The following TTN variants were observed in gnomAD, a reference collection of about 807,000 sequenced individuals.
The protein encoded by TTN is titin.
In TTN, 1,525 loss-of-function variants were observed where a neutral mutation model predicts 3,223.0. The observed-to-expected ratio is 0.47, with a 90% CI of 0.45 to 0.49. The LOEUF (loss-of-function observed/expected upper bound fraction) is 0.49. Ranked by LOEUF, TTN falls within the 20% of genes least tolerant of loss-of-function variation. TTN has a pLI of 0.00. For synonymous variants in TTN, 14,094 were observed against 15,161.0 expected (o/e 0.93, Z 5.17); for missense variants, 40,786 against 43,424.0 (o/e 0.94, Z 5.40).
Position 178,608,840 on chromosome 2 carries a change from C to A in TTN, c.52171G>T (p.Glu17391Ter). ...CTGCCACCATCATCAAGGGGTGGTT[C>A]CCATTTACAAAGGACTGAGGTCTTT... ...IRKTSVLCKW[E>*]PPLDDGGSEI... The change falls in exon 274 of 363, where the codon GAA becomes TAA. Residue 17391 changes from glutamate (E) to a stop codon, truncating the protein, a stop_gained. Transcript: ENST00000589042. LOFTEE classifies it high-confidence loss of function. 1 of 1,612,300 alleles carries A rather than the reference C, an allele frequency of 6.2e-7. No individual in the cohort carries two copies. The highest frequency in any genetic ancestry group is 8.5e-7 in the Non-Finnish European group (1 of 1,179,214).
chr2:178,602,755 TG>T (rs1399881630), intron 282 of TTN, among the ~76,000 whole-genome samples, 165 bp from the exon 283 acceptor site: 1 of 151,816 alleles, frequency 6.6e-6, no homozygotes, highest in African/African-American at 2.4e-5. Flanking sequence ...ATAAAGGAAA[TG>T]GTCTATTTTC....
At chr2:178,782,144 T>C (rs113132470) in intron 20 of TTN, 68 bp downstream of exon 20, 1 of 1,583,882 alleles carries the variant, frequency 6.3e-7, no homozygotes. Context: ...GGTGAGTAAA[T>C]TCTACTCTAG....
chr2:178,678,645 C>A, intron 143 of TTN, 102 bp downstream of exon 143: 1 of 1,195,844 alleles, frequency 8.4e-7, no homozygotes, highest in East Asian at 2.6e-5. Flanking sequence ...ATTTAATTTT[C>A]TCTAAAGAGT....
At position 178,652,191 on chromosome 2, in the gene TTN, A is replaced by G. The variant is rs1299607511; in HGVS notation, c.39212-12T>C. The stretch of plus-strand genomic sequence containing the variant: ...TGGCACCTCTGGGACTTTAAAAGAT[A>G]TTATTATTTTCATTGTTAGACAAAG... On this transcript the variant is annotated splice_polypyrimidine_tract_variant and intron_variant, in intron 203 of 362. Transcript: ENST00000589042. 6.2e-7 allele frequency: 1 copy of G among 1,612,120 alleles called. No individual in the cohort carries two copies. Among genetic ancestry groups the G allele is most frequent in the East Asian group, 2.2e-5 (1 of 44,860 alleles).
In TTN at chr2:178,568,192, A is replaced by T. The variant is rs977275961; in HGVS notation, c.77940T>A (p.Asp25980Glu). Reference sequence around the variant, plus strand: ...TGTAGGGATATTGAGCTACAATTGGATCAGACTCTAAGGCAAAGCTTTGTC... The same window carrying T: ...TGTAGGGATATTGAGCTACAATTGGTTCAGACTCTAAGGCAAAGCTTTGTC... Reference protein sequence around the residue: ...RYGQSFALESDPIVAQYPYKE... With the variant: ...RYGQSFALESEPIVAQYPYKE... The change falls in exon 326 of 363, where the codon GAT (aspartate) becomes GAA (glutamate). Residue 25980 changes from aspartate (D) to glutamate (E), a missense_variant. Transcript: ENST00000589042. 1.2e-6 allele frequency: 2 copies of T among 1,613,366 alleles called. No individual in the cohort carries two copies. Among genetic ancestry groups the T allele is most frequent in the African/African-American group, 2.7e-5 (2 of 74,862 alleles).
intron 146 of TTN, 46 bp from the exon 147 acceptor site, chr2:178,677,333 G>A: frequency 1.1e-5 from 4 of 356,796 alleles, no homozygotes; most frequent in Non-Finnish European, 1.4e-5. Context: ...CATATACATG[G>A]TCATATATAT....
Position 178,594,078 on chromosome 2 carries a change from G to C in TTN, c.58315C>G (p.Pro19439Ala), listed in dbSNP as rs368847168. 6.2e-7 allele frequency: 1 copy of C among 1,613,302 alleles called. No individual in the cohort carries two copies. The highest frequency in any genetic ancestry group is 1.3e-5 in the African/African-American group (1 of 74,870). Reference protein sequence around the residue: ...EDDRTHIKTTPATLALEKIKA... With the variant: ...EDDRTHIKTTAATLALEKIKA... The stretch of plus-strand genomic sequence containing the variant: ...ATCTTCTCTAAAGCAAGTGTTGCTG[G>C]TGTAGTCTTTATATGAGTGCGATCA... The change falls in exon 297 of 363, where the codon CCA (proline) becomes GCA (alanine). Residue 19439 changes from proline to alanine, a missense_variant. Coordinates refer to ENST00000589042, the MANE Select transcript of TTN (RefSeq NM_001267550.2).
chr2:178,800,569 A>T lies in TTN; in HGVS notation c.409T>A (p.Phe137Ile). 6.2e-7 allele frequency: 1 copy of T among 1,614,104 alleles called. No homozygotes were observed. The highest frequency in any genetic ancestry group is 8.5e-7 in the Non-Finnish European group (1 of 1,179,992). ...TGGATTTCGGCTCCATCCCGGTAGA[A>T]CTTCACCACAGGTGTAGGGATTCCA... ...VTGIPTPVVK[F>I]YRDGAEIQSS... is the part of the protein sequence containing the mutation. Residue 137 changes from phenylalanine (F) to isoleucine (I), a missense_variant, in exon 4 of 363, where the codon TTC becomes ATC. Phe to Ile is a conservative substitution (Grantham distance 21). Transcript: ENST00000589042.
rs761647014 is a variant in TTN at position 178,567,913 on chromosome 2, T to C, written c.78219A>G (p.Val26073=). The change falls in exon 326 of 363, where the codon GTA becomes GTG. Residue 26073 remains valine (V), a synonymous_variant. Coordinates refer to ENST00000589042, the MANE Select transcript of TTN (RefSeq NM_001267550.2). Reference sequence around the variant, plus strand: ...ATTCAGAATTCTTGCTTGCTTTGCCTACACCAACAATATTTTCAGCATACA... The same window carrying C: ...ATTCAGAATTCTTGCTTGCTTTGCCCACACCAACAATATTTTCAGCATACA... ...FRVYAENIVG[V]GKASKNSECY... 5 of 1,613,588 alleles carry C rather than the reference T, an allele frequency of 3.1e-6. No homozygotes were observed. In the Admixed American group the frequency reaches 6.7e-5, roughly 22 times the overall value.
In TTN at chr2:178,724,403, C is replaced by T. The variant is rs373585016; in HGVS notation, c.20972G>A (p.Ser6991Asn). The change falls in exon 72 of 363, where the codon AGC (serine) becomes AAC (asparagine). Residue 6991 changes from serine (S) to asparagine (N), a missense_variant. By Grantham distance (46) the Ser-to-Asn change is conservative (BLOSUM62 1). Coordinates refer to ENST00000589042, the MANE Select transcript of TTN (RefSeq NM_001267550.2). ...WYKDGKLLTS[S>N]QKHKFSFYNK... ...GTAGAAGCTAAATTTGTGTTTTTGG[C>T]TGCTGGTCAACAGCTTTCCATCCTT... 1.1e-5 allele frequency: 17 copies of T among 1,613,450 alleles called. No homozygotes were observed. Among genetic ancestry groups the T allele is most frequent in the Non-Finnish European group, 1.3e-5 (15 of 1,179,606 alleles).
Position 178,552,242 on chromosome 2 carries a change from TG to T in TTN, c.90657del (p.Ile30220SerfsTer70). 1 of 1,613,502 alleles carries T rather than the reference TG, an allele frequency of 6.2e-7. No individual in the cohort carries two copies. The highest frequency in any genetic ancestry group is 8.5e-7 in the Non-Finnish European group (1 of 1,179,656). Reference protein sequence around the residue: ...AVCRIAVPITVITLGPPSKPK... With the variant: ...AVCRIAVPITXITLGPPSKPK... ...GGCTTTGATGGTGGGCCAAGGGTGA[TG>T]ACTGTAATGGGGACTGCAATTCTAC... On this transcript the variant is annotated frameshift_variant, in exon 335 of 363. Coordinates refer to ENST00000589042, the MANE Select transcript of TTN (RefSeq NM_001267550.2). LOFTEE classifies it high-confidence loss of function.
At chr2:178,637,146 GATATATAT>G (rs61216469) in intron 224 of TTN, among the ~76,000 whole-genome samples, 1,092 of 49,186 alleles carry the variant, frequency 0.022, 25 homozygotes, top group South Asian at 0.058. Context: ...AATATAGTTG[GATATATAT>G]ATATATATAT....
chr2:178,645,214 A>T (rs1010995531), intron 217 of TTN: 1 of 152,142 alleles, frequency 6.6e-6, no homozygotes, highest in African/African-American at 2.4e-5. Context: ...TGATATTTTT[A>T]AAATTAAGTA....
rs2057387280 is a variant in TTN at position 178,616,613 on chromosome 2, T to C, written c.48178A>G (p.Lys16060Glu). The change falls in exon 257 of 363, where the codon AAA becomes GAA. Residue 16060 changes from lysine to glutamate, a missense_variant. Transcript: ENST00000589042. ...GTTATATCACCAAATTTCAATTCTT[T>C]GGGTGCACTTGGGCGAGCTGAAAAA... ...VNVIARPSAP[K>E]ELKFGDITKD... is the part of the protein sequence containing the mutation. The C allele has an allele frequency of 6.2e-7, 1 of 1,612,260 alleles. No individual in the cohort carries two copies. The highest frequency in any genetic ancestry group is 1.1e-5 in the South Asian group (1 of 91,002).
Position 178,539,551 on chromosome 2 carries a change from C to A in TTN, c.98514G>T (p.Val32838=). 6.2e-7 allele frequency: 1 copy of A among 1,613,786 alleles called. No homozygotes were observed. Among genetic ancestry groups the A allele is most frequent in the Non-Finnish European group, 8.5e-7 (1 of 1,179,784 alleles). ...ILGYILERRE[V]PKAAWYTIDS... is the part of the protein sequence containing the mutation. ...CAATGGTATACCAGGCGGCTTTAGG[C>A]ACTTCTCGTCTCTCGAGGATGTAGC... The change falls in exon 352 of 363, where the codon GTG becomes GTT. Residue 32838 remains valine, a synonymous_variant. Transcript: ENST00000589042.
rs1269694830 is a variant in TTN, at chr2:178,548,446, G to T, written c.93180C>A (p.Arg31060=). The T allele has an allele frequency of 6.2e-7, 1 of 1,613,844 alleles. No individual in the cohort carries two copies. The highest frequency in any genetic ancestry group is 1.1e-5 in the South Asian group (1 of 91,084). Residue 31060 remains arginine, a synonymous_variant, in exon 339 of 363, where the codon CGC becomes CGA. Transcript: ENST00000589042. The surrounding 1 kb of genome is among the most constrained non-coding windows in gnomAD (Gnocchi z 4.3). ...TTTCACTGATAACCTGCCAACTACGGCGACTTGCCTCTCGTTTCTCTACCA... is the reference window on the plus strand; with the variant it reads ...TTTCACTGATAACCTGCCAACTACGTCGACTTGCCTCTCGTTTCTCTACCA... ...HYVVEKREAS[R]RSWQVISEKC...
At chr2:178,673,211 A>C (rs2067319104) in intron 152 of TTN, among the ~76,000 whole-genome samples, 1 of 151,812 alleles carries the variant, frequency 6.6e-6, no homozygotes, top group South Asian at 2.1e-4. Flanking sequence ...AACATTACAA[A>C]AGGGACGTGA....
rs200847757 is a variant in TTN, at chr2:178,550,286, G to A, written c.91565-13C>T. 3,385 of 1,596,012 alleles carry A rather than the reference G, an allele frequency of 2.1e-3. 52 individuals carry two copies. The highest frequency in any genetic ancestry group is 0.021 in the South Asian group (1,841 of 89,000). The stretch of plus-strand genomic sequence containing the variant: ...ACTATTGGTGGAACTATAAAAGAAA[G>A]AGAAATACTATGTATTAGTTTGGCT... On this transcript the variant is annotated splice_polypyrimidine_tract_variant and intron_variant, in intron 336 of 362. Coordinates refer to ENST00000589042, the MANE Select transcript of TTN (RefSeq NM_001267550.2).
At position 178,579,706 on chromosome 2, in the gene TTN, C is replaced by T; in HGVS notation, c.67491G>A (p.Trp22497Ter). 1 of 1,613,196 alleles carries T rather than the reference C, an allele frequency of 6.2e-7. No individual in the cohort carries two copies. Among genetic ancestry groups the T allele is most frequent in the Non-Finnish European group, 8.5e-7 (1 of 1,179,482 alleles). ...GGCTTAAGGATTTCATAACTCGTTG[C>T]CACTTATTTTCTTCAGTCAGGAAAT... is the stretch of plus-strand genomic sequence containing the variant. The part of the protein sequence containing the change: ...VVDFLTEENK[W>*]QRVMKSLSLQ... The change falls in exon 319 of 363, where the codon TGG becomes TGA. Residue 22497 changes from tryptophan (W) to a stop codon, truncating the protein, a stop_gained. Coordinates refer to ENST00000589042, the MANE Select transcript of TTN (RefSeq NM_001267550.2). LOFTEE classifies it high-confidence loss of function.
Sources: gnomAD v4.1 joint callset for allele counts (sites outside exome capture counted in the v4.1 genomes callset) on GRCh38, gnomAD v4.1.1 for gene constraint, Gnocchi (gnomAD v3.1) non-coding constraint, MANE v1.5 for transcripts, NCBI Gene and HGNC (gene_info 2026-07-23, HGNC 2026-07-21) for gene names.